PREX2: variants seen among roughly 807,000 people sequenced by gnomAD.
The protein encoded by PREX2 is phosphatidylinositol 3,4,5-trisphosphate-dependent Rac exchanger 2 protein.
A neutral mutation model predicts 203.2 loss-of-function variants in PREX2; 107 were observed. The ratio of observed to expected loss-of-function variants is 0.53; its 90% CI spans 0.45 to 0.62. PREX2 has a LOEUF of 0.62. Ranked by LOEUF, PREX2 falls within the 20% of genes least tolerant of loss-of-function variation. The pLI is 0.00. For synonymous variants in PREX2, 672 were observed against 663.6 expected (o/e 1.01, Z -0.19); for missense variants, 1,777 against 1,955.9 (o/e 0.91, Z 1.72).
chr8:68,118,540 T>C lies in PREX2; in HGVS notation c.3327-10T>C. ...CACTCTTACAGTAACATGAAACCTGTTGTTTTCAGTGACTGCAACAGCAAT... is the reference window on the plus strand; with the variant it reads ...CACTCTTACAGTAACATGAAACCTGCTGTTTTCAGTGACTGCAACAGCAAT... On this transcript the variant is annotated splice_polypyrimidine_tract_variant and intron_variant, in intron 26 of 39. Transcript: ENST00000288368. 3.7e-6 allele frequency: 6 copies of C among 1,600,734 alleles called. No individual in the cohort carries two copies. In the South Asian group the frequency reaches 5.5e-5, roughly 15 times the overall value.
chr8:67,956,097 T>A (rs1390910930), intron 1 of PREX2, among the ~76,000 whole-genome samples: 2 of 152,242 alleles, frequency 1.3e-5, no homozygotes, highest in Admixed American at 1.3e-4. Flanking sequence ...GAGAGTGACA[T>A]AATTTGCTTG....
rs1193472966 is a variant in PREX2, at chr8:68,157,358, A to G, written c.4268A>G (p.Asn1423Ser). 5 of 1,610,524 alleles carry G rather than the reference A, an allele frequency of 3.1e-6. No individual in the cohort carries two copies. Among genetic ancestry groups the G allele is most frequent in the Non-Finnish European group, 4.2e-6 (5 of 1,177,092 alleles). Residue 1423 changes from asparagine to serine, a missense_variant, in exon 35 of 40, where the codon AAT becomes AGT. Transcript: ENST00000288368. The part of the protein sequence containing the change: ...ESMEGYYYRD[N>S]VSVEEFQAQI... ...ATGGAAGGATATTATTACAGAGACA[A>G]TGTTTCTGTGGAAGAATTTCAAGCT...
At chr8:67,955,133 G>A (rs997385619) in intron 1 of PREX2, among the ~76,000 whole-genome samples, 2 of 130,812 alleles carry the variant, frequency 1.5e-5, no homozygotes, top group African/African-American at 3.0e-5. Context: ...GGATGACAGA[G>A]CGAGACTCCA....
intron 8 of PREX2, among the ~76,000 whole-genome samples, chr8:68,052,023 A>G (rs1221158808): frequency 3.3e-5 from 5 of 152,200 alleles, no homozygotes; most frequent in Non-Finnish European, 7.3e-5. Flanking sequence ...TGGAAACCAG[A>G]TTTTGGGAGA....
chr8:68,087,924 T>A, intron 19 of PREX2, 115 bp downstream of exon 19: 4 of 779,370 alleles, frequency 5.1e-6, no homozygotes, highest in Non-Finnish European at 9.3e-6. Context: ...TCAATTATAT[T>A]TTCACTGTAT....
intron 1 of PREX2, among the ~76,000 whole-genome samples, chr8:68,015,755 A>T (rs115415156): frequency 0.01 from 1,553 of 152,336 alleles, 25 homozygotes; most frequent in African/African-American, 0.035. Context: ...TGTGGAAAAT[A>T]TTCAAGAAAA....
chr8:68,136,183 A>G (rs1303200324), intron 32 of PREX2, among the ~76,000 whole-genome samples: 1 of 152,182 alleles, frequency 6.6e-6, no homozygotes. Context: ...CTCTGTGAAT[A>G]TAGTAAAACC....
chr8:68,177,875 T>G (rs1446473953), intron 35 of PREX2, among the ~76,000 whole-genome samples: 1 of 152,128 alleles, frequency 6.6e-6, no homozygotes, highest in Non-Finnish European at 1.5e-5. Flanking sequence ...CACTTACAAG[T>G]GAGAACATGC....
chr8:68,027,510 G>A (rs977752338), intron 5 of PREX2, among the ~76,000 whole-genome samples, 187 bp downstream of exon 5: 1 of 151,996 alleles, frequency 6.6e-6, no homozygotes, highest in African/African-American at 2.4e-5. Flanking sequence ...CAGTGGAAAA[G>A]CCACTGAAAG....
chr8:68,151,210 C>G (rs1271103543), intron 34 of PREX2, among the ~76,000 whole-genome samples: 2 of 151,902 alleles, frequency 1.3e-5, no homozygotes, highest in Non-Finnish European at 2.9e-5. Flanking sequence ...CACTTGAGCG[C>G]AGGAACTTGA....
rs537317136 is a variant in PREX2, at chr8:67,958,277, T to C, written c.141+5742T>C. Among the ~76,000 whole-genome samples the C allele has an allele frequency of 3.0e-4, 46 of 152,112 alleles. No homozygotes were observed. In the Middle Eastern group the frequency reaches 0.01, roughly 34 times the overall value. On this transcript the variant is annotated intron_variant, in intron 1 of 39. Transcript: ENST00000288368. ...GTGGAGGCAGTAGAGATTCTTTCAG[T>C]TGGGGAGTCAAGGAAAGTTTTGGAA...
chr8:68,144,126 G>A (rs1176495253), intron 33 of PREX2, among the ~76,000 whole-genome samples: 1 of 152,100 alleles, frequency 6.6e-6, no homozygotes, highest in African/African-American at 2.4e-5. Flanking sequence ...AGGAGTATCA[G>A]TCTTCCAACT....
chr8:67,988,586 T>C (rs1277096330), intron 1 of PREX2, among the ~76,000 whole-genome samples: 1 of 152,208 alleles, frequency 6.6e-6, no homozygotes, highest in Non-Finnish European at 1.5e-5. Flanking sequence ...CCTGAATGCC[T>C]GAAATGGACA....
intron 37 of PREX2, among the ~76,000 whole-genome samples, chr8:68,216,454 CA>C (rs1812839775): frequency 6.6e-6 from 1 of 152,020 alleles, no homozygotes; most frequent in Non-Finnish European, 1.5e-5. Context: ...AAAAACAAAA[CA>C]AAATCCATTA....
chr8:67,969,543 G>A lies in PREX2; in HGVS notation c.141+17008G>A, dbSNP rs141079709. Among the ~76,000 whole-genome samples the A allele has an allele frequency of 5.2e-3, 786 of 152,236 alleles. 10 individuals carry two copies. The highest frequency in any genetic ancestry group is 0.018 in the African/African-American group (749 of 41,538). ...ACCCAAGGAGAGGTAGATTTTGATT[G>A]CTTTTAAACTTACTTCCTGAGATGA... On this transcript the variant is annotated intron_variant, in intron 1 of 39. Transcript: ENST00000288368.
At chr8:68,108,057 C>T (rs769476392) in intron 23 of PREX2, 52 bp from the exon 24 acceptor site, 2 of 1,227,122 alleles carry the variant, frequency 1.6e-6, no homozygotes, top group Non-Finnish European at 2.3e-6. Context: ...AAAAAGATGC[C>T]TGAGTTATTA....
At chr8:67,979,196 G>T (rs923900551) in intron 1 of PREX2, among the ~76,000 whole-genome samples, 4 of 152,162 alleles carry the variant, frequency 2.6e-5, no homozygotes, top group Non-Finnish European at 5.9e-5. Context: ...TGAATCACTT[G>T]TTAGGATAGA....
At chr8:68,183,097 G>T (rs368800868) in intron 35 of PREX2, among the ~76,000 whole-genome samples, 140 of 152,102 alleles carry the variant, frequency 9.2e-4, no homozygotes, top group African/African-American at 3.0e-3. Flanking sequence ...TTGAATGCTT[G>T]GCTAAAATGT....
intron 34 of PREX2, among the ~76,000 whole-genome samples, chr8:68,154,880 T>A (rs1811510301): frequency 2.6e-5 from 4 of 152,152 alleles, no homozygotes; most frequent in Admixed American, 2.6e-4. Flanking sequence ...TCATAGGCGA[T>A]GGGAGAGGTG....
Sources: allele counts gnomAD v4.1 joint callset (sites outside exome capture counted in the v4.1 genomes callset), GRCh38; gene constraint gnomAD v4.1.1; transcripts MANE v1.5; gene names NCBI Gene and HGNC (gene_info 2026-07-23, HGNC 2026-07-21).